The following SRGAP2B variants were observed in gnomAD, a reference collection of about 807,000 sequenced individuals.
SRGAP2B encodes the protein SLIT-ROBO Rho GTPase-activating protein 2B.
A neutral mutation model predicts 22.2 loss-of-function variants in SRGAP2B; 9 were observed. The ratio of observed to expected loss-of-function variants is 0.41; its 90% CI spans 0.24 to 0.71. SRGAP2B has a LOEUF of 0.71. Ranked by LOEUF, SRGAP2B falls within the 30% of genes least tolerant of loss-of-function variation. SRGAP2B has a pLI of 0.35. For synonymous variants in SRGAP2B, 36 were observed against 87.4 expected (o/e 0.41, Z 3.28); for missense variants, 114 against 235.8 (o/e 0.48, Z 3.38).
In SRGAP2B at chr1:144,965,087, T is replaced by C. The variant is rs1667974032; in HGVS notation, c.261-9486A>G. 4.7e-6 allele frequency: 6 copies of C among 1,282,110 alleles called. No individual in the cohort carries two copies. In the Admixed American group the frequency reaches 1.0e-4, roughly 22 times the overall value. The allele number at this position is 1,282,110 out of a possible 1,614,324, so 79.4% of individuals were successfully genotyped here. On this transcript the variant is annotated intron_variant, in intron 3 of 9. Coordinates refer to ENST00000612199, the Ensembl canonical transcript of SRGAP2B. ...TAACAGCTGTTGACAAGACTGAGGA[T>C]AGTTTAGAAGGATGCTTGGATTGTC... is the stretch of plus-strand genomic sequence containing the variant.
chr1:144,913,226 C>G lies in SRGAP2B; in HGVS notation c.486+1466G>C, dbSNP rs1663544491. ...GAAGTGGCAAGGTTTGTTGGTTATC[C>G]AAACTACTCCTCCCCAGAAACAGCT... On this transcript the variant is annotated intron_variant, in intron 5 of 9. Coordinates refer to ENST00000612199, the Ensembl canonical transcript of SRGAP2B. Among the ~76,000 whole-genome samples the G allele has an allele frequency of 2.9e-5, 4 of 137,012 alleles. No homozygotes were observed. In the South Asian group the frequency reaches 9.5e-4, roughly 33 times the overall value. 89.9% of individuals were successfully genotyped at this position (137,012 alleles called of 152,430 possible).
intron 4 of SRGAP2B, among the ~76,000 whole-genome samples, chr1:144,939,232 C>G (rs1285610630): frequency 7.6e-6 from 1 of 132,134 alleles, no homozygotes; most frequent in Admixed American, 7.6e-5. Flanking sequence ...AGTGACATCT[C>G]TAATGGGGAC....
intron 2 of SRGAP2B, among the ~76,000 whole-genome samples, chr1:145,044,697 A>AAAAAAAAAG (rs1649569361): frequency 1.5e-5 from 2 of 131,308 alleles, no homozygotes; most frequent in Non-Finnish European, 3.2e-5. Context: ...AAAAAAAAAA[A>AAAAAAAAAG]AAACAGAAAA....
rs1294926213 is a variant in SRGAP2B at position 144,992,288 on chromosome 1, C to T, written c.260+2720G>A. Among the ~76,000 whole-genome samples, 9 of 150,936 alleles carry T rather than the reference C, an allele frequency of 6.0e-5. 1 individual carries two copies. Among genetic ancestry groups the T allele is most frequent in the African/African-American group, 7.4e-5 (3 of 40,370 alleles). On this transcript the variant is annotated intron_variant, in intron 3 of 9. Coordinates refer to ENST00000612199, the Ensembl canonical transcript of SRGAP2B. ...AACACTCACCGCGAGGGTCCGCGGC[C>T]TCATTCTTGAAGTCAGTGAGACCAA...
chr1:145,015,326 G>A (rs1391084264), intron 2 of SRGAP2B, among the ~76,000 whole-genome samples: 4 of 113,750 alleles, frequency 3.5e-5, no homozygotes, highest in African/African-American at 7.6e-5. Flanking sequence ...TGATCTACCC[G>A]CCTCAGCCTC....
chr1:144,947,747 T>C (rs1553608691), intron 4 of SRGAP2B, among the ~76,000 whole-genome samples: 1 of 71,302 alleles, frequency 1.4e-5, no homozygotes. Flanking sequence ...TAACACTGTC[T>C]GTTGCAGAGG....
Position 144,957,164 on chromosome 1 carries a change from G to A in SRGAP2B, c.261-1563C>T, listed in dbSNP as rs76482487. 6.0e-5 allele frequency among the ~76,000 whole-genome samples: 9 copies of A among 150,800 alleles called. No homozygotes were observed. In the East Asian group the frequency reaches 1.6e-3, roughly 26 times the overall value. On this transcript the variant is annotated intron_variant, in intron 3 of 9. Transcript: ENST00000612199. ...TCTTTCCCCCTTTCCTCTCTTCTCC[G>A]CTCCAGTCAGACTCCTACTACAAGG... is the stretch of plus-strand genomic sequence containing the variant.
intron 2 of SRGAP2B, among the ~76,000 whole-genome samples, chr1:145,067,291 A>G (rs1367884536): frequency 2.0e-5 from 3 of 149,236 alleles, no homozygotes; most frequent in Non-Finnish European, 4.4e-5. Flanking sequence ...TCTGTCTAAA[A>G]AAAAAAAAAA....
Position 144,906,128 on chromosome 1 carries a change from C to G in SRGAP2B, c.487-54G>C, listed in dbSNP as rs1458337085. On this transcript the variant is annotated intron_variant, in intron 5 of 9. Coordinates refer to ENST00000612199, the Ensembl canonical transcript of SRGAP2B. ...AGAGGTCAAGCCAAGGGTGTCATTT[C>G]TCTGCTTTACAGACTAACAGACTCA... is the stretch of plus-strand genomic sequence containing the variant. 116 of 707,012 alleles carry G rather than the reference C, an allele frequency of 1.6e-4. 2 individuals carry two copies. Among genetic ancestry groups the G allele is most frequent in the Non-Finnish European group, 2.6e-6 (1 of 383,070 alleles). The allele number at this position is 707,012 out of a possible 1,614,324, so 43.8% of individuals were successfully genotyped here. A position where few individuals can be genotyped will look rare whatever the true frequency, so the allele number is the denominator to read the frequency against.
intron 3 of SRGAP2B, among the ~76,000 whole-genome samples, chr1:144,969,811 C>T (rs1668362166): frequency 6.6e-6 from 1 of 150,718 alleles, no homozygotes; most frequent in Non-Finnish European, 1.5e-5. Flanking sequence ...AAAAAACAAA[C>T]AACCCCATCA....
At chr1:144,906,299 ATAACT>A (rs1294423809) in intron 5 of SRGAP2B, among the ~76,000 whole-genome samples, 1 of 147,434 alleles carries the variant, frequency 6.8e-6, no homozygotes, top group African/African-American at 2.6e-5. Context: ...TCTTATTGAA[ATAACT>A]TAATGTCTAT....
intron 4 of SRGAP2B, among the ~76,000 whole-genome samples, chr1:144,954,522 T>A (rs1424107476): frequency 6.6e-6 from 1 of 150,594 alleles, no homozygotes; most frequent in African/African-American, 2.5e-5. Flanking sequence ...TTATTTGCCT[T>A]CTGGAAAGTC....
In SRGAP2B at chr1:144,933,400, C is replaced by T. The variant is rs587752896; in HGVS notation, c.424-18646G>A. Among the ~76,000 whole-genome samples, 108 of 149,240 alleles carry T rather than the reference C, an allele frequency of 7.2e-4. 8 individuals are homozygous for T. The highest frequency in any genetic ancestry group is 2.6e-3 in the African/African-American group (104 of 39,428). Reference sequence around the variant, plus strand: ...CATTTTCAGAAACCCAGTAAGACTCCAGAATATAAGAGGGGTGTACCCTCT... The same window carrying T: ...CATTTTCAGAAACCCAGTAAGACTCTAGAATATAAGAGGGGTGTACCCTCT... On this transcript the variant is annotated intron_variant, in intron 4 of 9. Coordinates refer to ENST00000612199, the Ensembl canonical transcript of SRGAP2B.
chr1:145,038,401 C>T (rs1648894604), intron 2 of SRGAP2B, among the ~76,000 whole-genome samples: 1 of 131,910 alleles, frequency 7.6e-6, no homozygotes, highest in African/African-American at 3.4e-5. Flanking sequence ...GTGGACCAGA[C>T]AGGAGTGGAA....
chr1:144,986,974 C>T (rs1293661015), intron 3 of SRGAP2B, among the ~76,000 whole-genome samples: 1 of 150,932 alleles, frequency 6.6e-6, no homozygotes, highest in Non-Finnish European at 1.5e-5. Flanking sequence ...CATCTTTTCA[C>T]CTTCTTTCTA....
At chr1:144,925,775 G>GAA (rs781856268) in intron 4 of SRGAP2B, among the ~76,000 whole-genome samples, 1 of 142,006 alleles carries the variant, frequency 7.0e-6, no homozygotes, top group Non-Finnish European at 1.5e-5. Context: ...AAGAAAGAAA[G>GAA]AAAGAAAGAA....
intron 4 of SRGAP2B, among the ~76,000 whole-genome samples, chr1:144,915,350 A>G (rs1236152610): frequency 2.0e-5 from 3 of 150,692 alleles, no homozygotes; most frequent in Non-Finnish European, 4.4e-5. Flanking sequence ...GTCTCCAACT[A>G]GTTAATCTTG....
At chr1:144,979,780 C>A (rs9439326) in intron 3 of SRGAP2B, among the ~76,000 whole-genome samples, 2 of 151,578 alleles carry the variant, frequency 1.3e-5, no homozygotes, top group East Asian at 1.9e-4. Context: ...CTCCCCGGTG[C>A]CTTCTGCCAT....
chr1:144,981,088 T>G (rs1669295479), intron 3 of SRGAP2B, among the ~76,000 whole-genome samples: 2 of 150,258 alleles, frequency 1.3e-5, no homozygotes, highest in Admixed American at 1.3e-4. Flanking sequence ...AGACTGTCTT[T>G]TCTTCTTATC....
Sources: allele counts gnomAD v4.1 joint callset (sites outside exome capture counted in the v4.1 genomes callset), GRCh38; gene constraint gnomAD v4.1.1; transcripts MANE v1.5; gene names NCBI Gene and HGNC (gene_info 2026-07-23, HGNC 2026-07-21).